Variants in GNB4 observed in about 807,000 individuals in gnomAD.
GNB4 encodes the protein guanine nucleotide-binding protein subunit beta-4.
In GNB4, 28 loss-of-function variants were observed where a neutral mutation model predicts 45.2. The observed-to-expected ratio is 0.62, with a 90% CI of 0.46 to 0.85. GNB4 has a LOEUF of 0.85. Among genes scored for constraint, GNB4 ranks in the 40% least tolerant of loss-of-function variants. The pLI, the probability that GNB4 is intolerant of heterozygous loss-of-function variation, is 0.00. For synonymous variants in GNB4, 132 were observed against 143.7 expected (o/e 0.92, Z 0.58); for missense variants, 321 against 425.4 (o/e 0.75, Z 2.16).
At chr3:179,454,688 C>T (rs770803210), upstream of GNB4, among the ~76,000 whole-genome samples, 2 of 152,166 alleles carry the variant, frequency 1.3e-5, no homozygotes, top group Non-Finnish European at 2.9e-5. Context: ...ATGCCAAGCA[C>T]ACCGTGAAGA....
At chr3:179,523,973 T>C in the GNB4 span, among the ~76,000 whole-genome samples, 5 of 152,114 alleles carry the variant, frequency 3.3e-5, no homozygotes, top group Admixed American at 6.5e-5. Context: ...CAAGTTGGCA[T>C]CAGAGTTGGG....
chr3:179,469,388 C>G, the GNB4 span, among the ~76,000 whole-genome samples: 12 of 152,090 alleles, frequency 7.9e-5, no homozygotes, highest in Non-Finnish European at 2.9e-5. Context: ...TGAGATAAAT[C>G]ACATATGAAA....
chr3:179,445,373 C>T (rs1715693616), intron 1 of GNB4, among the ~76,000 whole-genome samples: 1 of 152,138 alleles, frequency 6.6e-6, no homozygotes, highest in South Asian at 2.1e-4. Context: ...CAACCTCTGC[C>T]TCTTGCGCTC....
chr3:179,487,909 G>T, the GNB4 span, among the ~76,000 whole-genome samples: 1 of 152,090 alleles, frequency 6.6e-6, no homozygotes, highest in Non-Finnish European at 1.5e-5. Context: ...AAATTAGCTG[G>T]GTGTGGTAGC....
chr3:179,499,990 A>G, the GNB4 span, among the ~76,000 whole-genome samples: 1 of 152,326 alleles, frequency 6.6e-6, no homozygotes, highest in Admixed American at 6.5e-5. Flanking sequence ...GCCCTTTGTC[A>G]CATGAATAGA....
intron 1 of GNB4, among the ~76,000 whole-genome samples, chr3:179,430,331 C>G (rs1577035765): frequency 6.6e-6 from 1 of 152,032 alleles, no homozygotes; most frequent in East Asian, 1.9e-4. Context: ...TCAAGCGATC[C>G]CCCCCACCTG....
intron 8 of GNB4, among the ~76,000 whole-genome samples, chr3:179,411,719 G>T (rs775985422): frequency 6.6e-6 from 1 of 152,240 alleles, no homozygotes; most frequent in African/African-American, 2.4e-5. Flanking sequence ...CGGCAAAGAG[G>T]TGGGGATGGG....
chr3:179,427,512 A>G (rs1715180456), intron 1 of GNB4, among the ~76,000 whole-genome samples: 1 of 151,632 alleles, frequency 6.6e-6, no homozygotes, highest in Non-Finnish European at 1.5e-5. Context: ...AGCTGAGGCA[A>G]AAGAATTGCT....
chr3:179,473,031 C>T, the GNB4 span, among the ~76,000 whole-genome samples: 1 of 152,130 alleles, frequency 6.6e-6, no homozygotes, highest in Non-Finnish European at 1.5e-5. Context: ...GCCATGGTGG[C>T]ACACGCCTGT....
the GNB4 span, among the ~76,000 whole-genome samples, chr3:179,522,361 A>G: frequency 2.0e-5 from 3 of 151,842 alleles, no homozygotes; most frequent in African/African-American, 7.3e-5. Context: ...TAAAACGGCC[A>G]CACCCCTATC....
chr3:179,524,963 G>A, the GNB4 span, among the ~76,000 whole-genome samples: 90 of 152,194 alleles, frequency 5.9e-4, no homozygotes, highest in African/African-American at 2.0e-3. Flanking sequence ...GGCTGAGGAA[G>A]AATTGGGACC....
At chr3:179,509,373 G>A in the GNB4 span, among the ~76,000 whole-genome samples, 245 of 152,152 alleles carry the variant, frequency 1.6e-3, no homozygotes, top group African/African-American at 5.5e-3. Flanking sequence ...ATAACACTAC[G>A]AAATAAACTA....
chr3:179,526,871 T>C, the GNB4 span, among the ~76,000 whole-genome samples: 1 of 152,166 alleles, frequency 6.6e-6, no homozygotes, highest in East Asian at 1.9e-4. Flanking sequence ...ATAGGAAAAT[T>C]CTTTTTGGCA....
At chr3:179,465,168 G>A in the GNB4 span, 4 of 1,271,858 alleles carry the variant, frequency 3.1e-6, no homozygotes, top group Non-Finnish European at 4.6e-6. Context: ...ACTGATATGG[G>A]AATAAATAGA....
the GNB4 span, among the ~76,000 whole-genome samples, chr3:179,508,432 G>A: frequency 6.6e-6 from 1 of 152,312 alleles, no homozygotes; most frequent in East Asian, 1.9e-4. Flanking sequence ...TCTCAGCCTC[G>A]CAAGCGCTGT....
intron 1 of GNB4, among the ~76,000 whole-genome samples, chr3:179,442,795 T>TAA (rs71628078): frequency 6.8e-6 from 1 of 147,454 alleles, no homozygotes; most frequent in Non-Finnish European, 1.5e-5. Context: ...CCAAGCTAAT[T>TAA]AAAAAAAAAA....
At chr3:179,482,162 T>C in the GNB4 span, among the ~76,000 whole-genome samples, 1 of 152,122 alleles carries the variant, frequency 6.6e-6, no homozygotes, top group South Asian at 2.1e-4. Context: ...CCCAAAGTGC[T>C]TGGCATTACA....
the GNB4 span, among the ~76,000 whole-genome samples, chr3:179,521,221 C>G: frequency 1.3e-5 from 2 of 152,220 alleles, no homozygotes; most frequent in South Asian, 2.1e-4. Context: ...CACCTCTATA[C>G]AGTCTGATAA....
the GNB4 span, among the ~76,000 whole-genome samples, chr3:179,515,394 C>A: frequency 3.9e-5 from 6 of 152,096 alleles, no homozygotes; most frequent in African/African-American, 1.2e-4. Context: ...CAGGCTAAGT[C>A]CAAAAAGAGT....
Sources: allele counts gnomAD v4.1 joint callset (sites outside exome capture counted in the v4.1 genomes callset), GRCh38; gene constraint gnomAD v4.1.1; transcripts MANE v1.5; gene names NCBI Gene and HGNC (gene_info 2026-07-23, HGNC 2026-07-21).